The following TEP1 variants were observed in gnomAD, a reference collection of about 807,000 sequenced individuals.
TEP1 encodes the protein telomerase associated protein 1.
In TEP1, 241 loss-of-function variants were observed where a neutral mutation model predicts 306.3. The ratio of observed to expected loss-of-function variants is 0.79; its 90% CI spans 0.71 to 0.88. The LOEUF (loss-of-function observed/expected upper bound fraction) is 0.88. TEP1 is among the 40% of genes least tolerant of loss of function. TEP1 has a pLI of 0.00. For synonymous variants in TEP1, 1,289 were observed against 1,305.5 expected, an observed-to-expected ratio of 0.99 and a Z score of 0.27; for missense variants, 3,051 against 3,276.1, an observed-to-expected ratio of 0.93 and a Z score of 1.68.
intron 4 of TEP1, 131 bp downstream of exon 4, chr14:20,405,320 C>A (rs1879089205): frequency 7.8e-7 from 1 of 1,275,964 alleles, no homozygotes. Context: ...CGCAGACTCA[C>A]CCAGAAATCC....
In TEP1 at chr14:20,401,453, T is replaced by C. The variant is rs530521388; in HGVS notation, c.1391+4A>G. The C allele has an allele frequency of 1.2e-6, 2 of 1,613,810 alleles. No individual in the cohort carries two copies. Among genetic ancestry groups the C allele is most frequent in the African/African-American group, 2.7e-5 (2 of 75,034 alleles). Reference sequence around the variant, plus strand: ...GAATGCATGCTCAGGGTGCAGCTTCTCACCTGTAACCCAGCAGGGCTTGAA... The same window carrying C: ...GAATGCATGCTCAGGGTGCAGCTTCCCACCTGTAACCCAGCAGGGCTTGAA... On this transcript the variant is annotated splice_donor_region_variant and intron_variant, in intron 8 of 54. Coordinates refer to ENST00000262715, the MANE Select transcript of TEP1 (RefSeq NM_007110.5).
In TEP1 at chr14:20,391,730, G is replaced by A. The variant is rs199604556; in HGVS notation, c.1966C>T (p.Arg656Ter). 10 of 1,614,122 alleles carry A rather than the reference G, an allele frequency of 6.2e-6. No homozygotes were observed. Among genetic ancestry groups the A allele is most frequent in the South Asian group, 2.2e-5 (2 of 91,074 alleles). ...KYDGEMLNRY[R>*]QALETAVNLS... is the part of the protein sequence containing the mutation. ...TTCACAGCTGTCTCTAGGGCCTGTC[G>A]GTACCTGTTCAGCATCTCACCATCA... is the stretch of plus-strand genomic sequence containing the variant. Residue 656 changes from arginine to a stop codon, truncating the protein, a stop_gained, in exon 13 of 55, where the codon CGA becomes TGA. Transcript: ENST00000262715. LOFTEE classifies it high-confidence loss of function.
rs749221387 is a variant in TEP1 at position 20,374,569 on chromosome 14, T to C, written c.6364-33A>G. 5.3e-6 allele frequency: 8 copies of C among 1,510,682 alleles called. No homozygotes were observed. The Admixed American group carries it at 8.8e-5, about 17-fold the overall frequency. The allele number at this position is 1,510,682 out of a possible 1,614,324, so 93.6% of individuals were successfully genotyped here. On this transcript the variant is annotated intron_variant, in intron 43 of 54. Transcript: ENST00000262715. The stretch of plus-strand genomic sequence containing the variant: ...GTCAGAAGTCAGAGGAGTGGGATTA[T>C]CAGCATCCCTCCAGCATTTTGGTAT...
At chr14:20,383,992 C>A in intron 24 of TEP1, 46 bp downstream of exon 24, 1 of 1,584,828 alleles carries the variant, frequency 6.3e-7, no homozygotes, top group Non-Finnish European at 8.6e-7. Context: ...CTCCTTAGCC[C>A]ACACAGCCTT....
chr14:20,404,347 C>T (rs1878999137), intron 5 of TEP1, among the ~76,000 whole-genome samples: 1 of 141,670 alleles, frequency 7.1e-6, no homozygotes, highest in Admixed American at 6.9e-5. Context: ...AAGAGTGAAA[C>T]TCCGTCTCCA....
chr14:20,408,700 GC>G (rs1045867099), intron 1 of TEP1, among the ~76,000 whole-genome samples: 5 of 152,148 alleles, frequency 3.3e-5, no homozygotes, highest in African/African-American at 1.2e-4. Flanking sequence ...AGGTGCAGTG[GC>G]TCATGCCTGT....
Position 20,408,088 on chromosome 14 carries a change from G to A in TEP1, c.352C>T (p.Leu118=). Residue 118 remains leucine (L), a synonymous_variant, in exon 2 of 55, where the codon CTA becomes TTA. Coordinates refer to ENST00000262715, the MANE Select transcript of TEP1 (RefSeq NM_007110.5). ...ENRCLATLSS[L]KSTVSASPLF... ...GGGCTGGCAGACACAGTGCTCTTTA[G>A]ACTAGAGAGGGTGGCCAGGCACCGG... is the stretch of plus-strand genomic sequence containing the variant. 1 of 1,614,186 alleles carries A rather than the reference G, an allele frequency of 6.2e-7. No homozygotes were observed. The highest frequency in any genetic ancestry group is 1.1e-5 in the South Asian group (1 of 91,072).
intron 33 of TEP1, 83 bp from the exon 34 acceptor site, chr14:20,380,558 TACAATA>T (rs1338194716): frequency 2.0e-6 from 3 of 1,499,494 alleles, no homozygotes; most frequent in Admixed American, 2.2e-5. Flanking sequence ...ATGGTGTGTC[TACAATA>T]GTAAGTCTCA....
At chr14:20,403,636 G>A (rs1041349471) in intron 6 of TEP1, 87 bp downstream of exon 6, 14 of 1,599,490 alleles carry the variant, frequency 8.8e-6, no homozygotes, top group African/African-American at 8.0e-5. Flanking sequence ...TGCTCCTGGT[G>A]TGGGACTCCC....
rs527427324 is a variant in TEP1, at chr14:20,375,873, A to G, written c.6250-5T>C. The G allele has an allele frequency of 5.6e-6, 9 of 1,604,930 alleles. No homozygotes were observed. In the South Asian group the frequency reaches 8.8e-5, roughly 16 times the overall value. ...CACGTCCCAGCAGAGGAGACTCTGGATAGGCCCCAAGGAGAGGGAGCAATC... is the reference window on the plus strand; with the variant it reads ...CACGTCCCAGCAGAGGAGACTCTGGGTAGGCCCCAAGGAGAGGGAGCAATC... On this transcript the variant is annotated splice_region_variant and splice_polypyrimidine_tract_variant and intron_variant, in intron 42 of 54. Coordinates refer to ENST00000262715, the MANE Select transcript of TEP1 (RefSeq NM_007110.5).
Position 20,391,729 on chromosome 14 carries a change from C to G in TEP1, c.1967G>C (p.Arg656Pro), listed in dbSNP as rs758949801. Residue 656 changes from arginine to proline, a missense_variant, in exon 13 of 55, where the codon CGA (arginine) becomes CCA (proline). Arg to Pro is a moderately radical substitution (Grantham distance 103). Transcript: ENST00000262715. ...GTTCACAGCTGTCTCTAGGGCCTGT[C>G]GGTACCTGTTCAGCATCTCACCATC... ...KYDGEMLNRY[R>P]QALETAVNLS... is the part of the protein sequence containing the mutation. 5 of 1,614,038 alleles carry G rather than the reference C, an allele frequency of 3.1e-6. No homozygotes were observed. The African/African-American group carries it at 6.7e-5, about 22-fold the overall frequency.
chr14:20,381,008 A>G lies in TEP1; in HGVS notation c.4685T>C (p.Leu1562Pro), dbSNP rs1381491888. ...SGNRGLLSKF[L>P]TNLHVVAAHL... ...TGCAGCCACCACATGGAGGTTGGTA[A>G]GGAACTTCGAAAGAAGTCCACGGTT... Residue 1562 changes from leucine (L) to proline (P), a missense_variant, in exon 33 of 55, where the codon CTT becomes CCT. Physicochemically the swap from Leu to Pro is moderately conservative, Grantham distance 98. Coordinates refer to ENST00000262715, the MANE Select transcript of TEP1 (RefSeq NM_007110.5). This position sits in a 1 kb window ranked among gnomAD's most constrained non-coding sequence, Gnocchi z 4.0. The G allele has an allele frequency of 6.2e-7, 1 of 1,614,188 alleles. No individual in the cohort carries two copies. Among genetic ancestry groups the G allele is most frequent in the East Asian group, 2.2e-5 (1 of 44,878 alleles).
Position 20,373,518 on chromosome 14 carries a change from G to GCCAT in TEP1, c.6666_6669dup (p.His2224MetfsTer36). On this transcript the variant is annotated frameshift_variant, in exon 46 of 55. Coordinates refer to ENST00000262715, the MANE Select transcript of TEP1 (RefSeq NM_007110.5). LOFTEE classifies it high-confidence loss of function. ...TTGCAGGAACTCACCAAGAGTGGAT[G>GCCAT]CCATAACCGTGTGGCCCCATCTAGC... 6.2e-7 allele frequency: 1 copy of GCCAT among 1,614,222 alleles called. No individual in the cohort carries two copies. Among genetic ancestry groups the GCCAT allele is most frequent in the Non-Finnish European group, 8.5e-7 (1 of 1,180,048 alleles).
chr14:20,387,131 G>A (rs111675866), intron 18 of TEP1, among the ~76,000 whole-genome samples: 20,837 of 150,776 alleles, frequency 0.14, 1,576 homozygotes, highest in Non-Finnish European at 0.18. Context: ...ACAGGGTTTA[G>A]TCATGTTGGA....
At chr14:20,389,561 T>G (rs764956827) in intron 16 of TEP1, 49 bp downstream of exon 16, 2 of 1,605,646 alleles carry the variant, frequency 1.2e-6, no homozygotes, top group Non-Finnish European at 1.7e-6. Flanking sequence ...AGAGAGGAAA[T>G]GTAGACCACT....
rs1361389137 is a variant in TEP1 at position 20,408,481 on chromosome 14, CAGG to C, written c.-24-21_-24-19del. The C allele has an allele frequency of 6.3e-7, 1 of 1,579,174 alleles. No homozygotes were observed. The highest frequency in any genetic ancestry group is 1.7e-5 in the Admixed American group (1 of 57,888). On this transcript the variant is annotated intron_variant, in intron 1 of 54. Coordinates refer to ENST00000262715, the MANE Select transcript of TEP1 (RefSeq NM_007110.5). Reference sequence around the variant, plus strand: ...GTATATGCCTAGAAGGAGAGAAAGACAGGAGATGAGCACCTGGCTGCACTGAGC... The same window carrying C: ...GTATATGCCTAGAAGGAGAGAAAGACAGATGAGCACCTGGCTGCACTGAGC...
Position 20,383,204 on chromosome 14 carries a change from C to T in TEP1, c.4017G>A (p.Lys1339=). ...TGTTAAATGGTGACTCCTCCAGCCGCTTCCCGTACAGGGCCAGCTCCTCTC... is the reference window on the plus strand; with the variant it reads ...TGTTAAATGGTGACTCCTCCAGCCGTTTCCCGTACAGGGCCAGCTCCTCTC... ...LVREELALYG[K]RLEESPFNNQ... The change falls in exon 27 of 55, where the codon AAG becomes AAA. Residue 1339 remains lysine (K), a synonymous_variant. Transcript: ENST00000262715. The T allele has an allele frequency of 2.5e-6, 4 of 1,611,160 alleles. No homozygotes were observed. Among genetic ancestry groups the T allele is most frequent in the Non-Finnish European group, 2.5e-6 (3 of 1,178,948 alleles).
chr14:20,395,675 C>T, intron 11 of TEP1, 48 bp from the exon 12 acceptor site: 1 of 1,568,604 alleles, frequency 6.4e-7, no homozygotes. Flanking sequence ...TCTATTCCCT[C>T]ATCTTTTCCT....
At chr14:20,380,516 A>G (rs1885470159) in intron 33 of TEP1, 41 bp from the exon 34 acceptor site, 1 of 1,583,176 alleles carries the variant, frequency 6.3e-7, no homozygotes, top group African/African-American at 1.3e-5. Context: ...AGCCAGCTGG[A>G]CCCCATTAGC....
Sources: gnomAD v4.1 joint callset for allele counts (sites outside exome capture counted in the v4.1 genomes callset) on GRCh38, gnomAD v4.1.1 for gene constraint, Gnocchi (gnomAD v3.1) non-coding constraint, MANE v1.5 for transcripts, NCBI Gene and HGNC (gene_info 2026-07-23, HGNC 2026-07-21) for gene names.